SYN3: variants seen among roughly 807,000 people sequenced by gnomAD.
The protein encoded by SYN3 is synapsin-3.
In SYN3, 35 loss-of-function variants were observed where a neutral mutation model predicts 65.8. The ratio of observed to expected loss-of-function variants is 0.53; its 90% confidence interval spans 0.41 to 0.70. The LOEUF (loss-of-function observed/expected upper bound fraction) is 0.70. SYN3 is among the 30% of genes least tolerant of loss of function. The pLI, the probability that SYN3 is intolerant of heterozygous loss-of-function variation, is 0.00. For missense variants in SYN3, 680 were observed against 749.0 expected, an observed-to-expected ratio of 0.91 and a Z score of 1.08; for synonymous variants, 270 against 292.9, an observed-to-expected ratio of 0.92 and a Z score of 0.80.
intron 6 of SYN3, among the ~76,000 whole-genome samples, chr22:32,749,500 G>A (rs2045045929): frequency 6.6e-6 from 1 of 151,976 alleles, no homozygotes; most frequent in Admixed American, 6.5e-5. Context: ...AATTAGCCGG[G>A]CACGATGATG....
intron 3 of SYN3, among the ~76,000 whole-genome samples, chr22:32,954,296 A>G (rs1045282847): frequency 6.6e-6 from 1 of 152,186 alleles, no homozygotes; most frequent in Admixed American, 6.5e-5. Flanking sequence ...TTTAAGGGGA[A>G]CAGGATGGTG....
chr22:32,763,749 T>C (rs1256269796), intron 6 of SYN3, among the ~76,000 whole-genome samples: 1 of 151,942 alleles, frequency 6.6e-6, no homozygotes, highest in African/African-American at 2.4e-5. Flanking sequence ...TTTTGTTTTG[T>C]TTTTTCACTT....
intron 6 of SYN3, among the ~76,000 whole-genome samples, chr22:32,789,857 T>C (rs1193144719): frequency 1.3e-5 from 2 of 152,318 alleles, no homozygotes; most frequent in Non-Finnish European, 1.5e-5. Flanking sequence ...TCATCTCTGA[T>C]GGGTGCTCCC....
chr22:32,827,426 G>A (rs756620911), intron 6 of SYN3, among the ~76,000 whole-genome samples: 1 of 152,228 alleles, frequency 6.6e-6, no homozygotes, highest in Non-Finnish European at 1.5e-5. Context: ...CCTGGTGCCA[G>A]TCCCTGCAAG....
At chr22:32,947,212 A>T (rs1411511934) in intron 3 of SYN3, among the ~76,000 whole-genome samples, 2 of 152,180 alleles carry the variant, frequency 1.3e-5, no homozygotes, top group African/African-American at 4.8e-5. Flanking sequence ...TGAATCAATT[A>T]TGTCCATGGT....
chr22:32,786,745 G>GT (rs1433733104), intron 6 of SYN3, among the ~76,000 whole-genome samples: 1 of 152,172 alleles, frequency 6.6e-6, no homozygotes, highest in Non-Finnish European at 1.5e-5. Context: ...AAGGTATCTG[G>GT]TAATTCTCTG....
chr22:32,707,233 A>G (rs1185746990), intron 6 of SYN3, among the ~76,000 whole-genome samples: 1 of 152,210 alleles, frequency 6.6e-6, no homozygotes, highest in East Asian at 1.9e-4. Flanking sequence ...CTTAGAGGAT[A>G]CATGAGCGGA....
intron 6 of SYN3, among the ~76,000 whole-genome samples, chr22:32,660,285 C>T (rs2060198285): frequency 6.6e-6 from 1 of 152,204 alleles, no homozygotes; most frequent in Non-Finnish European, 1.5e-5. Flanking sequence ...TTTTGCTCAT[C>T]ACCTGTAACT....
chr22:32,534,157 G>A (rs138185832), intron 9 of SYN3, among the ~76,000 whole-genome samples: 8 of 152,032 alleles, frequency 5.3e-5, no homozygotes, highest in African/African-American at 1.9e-4. Flanking sequence ...GAAAGAACAC[G>A]AGAGAGCCAG....
intron 1 of SYN3, among the ~76,000 whole-genome samples, chr22:33,056,372 C>T (rs2054253604): frequency 6.6e-6 from 1 of 152,160 alleles, no homozygotes; most frequent in South Asian, 2.1e-4. Flanking sequence ...AAATGCTCAA[C>T]TCCCCCTCCA....
At chr22:32,926,530 C>T (rs187669347) in intron 4 of SYN3, among the ~76,000 whole-genome samples, 7 of 152,228 alleles carry the variant, frequency 4.6e-5, no homozygotes, top group African/African-American at 9.6e-5. Flanking sequence ...TTTTCACCTT[C>T]GAGTCTATTT....
chr22:32,774,977 A>T (rs544130124), intron 6 of SYN3, among the ~76,000 whole-genome samples: 1 of 152,196 alleles, frequency 6.6e-6, no homozygotes, highest in Non-Finnish European at 1.5e-5. Flanking sequence ...ACAAATGCCA[A>T]TCCTGAAGAA....
chr22:32,921,496 A>G (rs1286696232), intron 4 of SYN3, among the ~76,000 whole-genome samples: 4 of 152,196 alleles, frequency 2.6e-5, no homozygotes, highest in Non-Finnish European at 5.9e-5. Context: ...CACTCACGCC[A>G]GCCTGGTGTG....
intron 8 of SYN3, among the ~76,000 whole-genome samples, chr22:32,540,245 T>A (rs936429621): frequency 7.2e-5 from 11 of 152,158 alleles, no homozygotes; most frequent in African/African-American, 2.7e-4. Context: ...CCACAGGCAA[T>A]CCATAAATGG....
chr22:32,671,139 T>G (rs910516160), intron 6 of SYN3, among the ~76,000 whole-genome samples: 1 of 152,174 alleles, frequency 6.6e-6, no homozygotes, highest in African/African-American at 2.4e-5. Context: ...TTTCAAAGCT[T>G]TTTTTCGTTT....
chr22:32,535,527 G>A (rs1369888811), intron 9 of SYN3, among the ~76,000 whole-genome samples: 2 of 152,200 alleles, frequency 1.3e-5, no homozygotes, highest in East Asian at 3.9e-4. Flanking sequence ...CAGGGTCCTC[G>A]TTTTTGGCCC....
rs2057701289 is a variant in SYN3, at chr22:32,512,453, A to G, written c.*1239T>C. On this transcript the variant is annotated 3_prime_UTR_variant, in exon 14 of 14. Transcript: ENST00000358763. ...TTTGGATCACCGCTGAACGCTGTCTAAGCATGAGAGGCAGACTGGTATAGG... is the reference window on the plus strand; with the variant it reads ...TTTGGATCACCGCTGAACGCTGTCTGAGCATGAGAGGCAGACTGGTATAGG... 1 of 152,220 alleles carries G rather than the reference A, an allele frequency of 6.6e-6. No homozygotes were observed. The highest frequency in any genetic ancestry group is 1.5e-5 in the Non-Finnish European group (1 of 68,050). The allele number at this position is 152,220 out of a possible 1,614,324, so 9.4% of individuals were successfully genotyped here. A position where few individuals can be genotyped will look rare whatever the true frequency, so the allele number is the denominator to read the frequency against.
chr22:32,528,959 C>A lies in SYN3; in HGVS notation c.1145G>T (p.Arg382Ile). ...PLIGEHVEED[R>I]QLMADLVVSK... ...GACAACAAGGTCGGCCATCAGCTGT[C>A]TGTCCTCTTCCACATGCTCTCCAAT... The change falls in exon 11 of 14, where the codon AGA (arginine) becomes ATA (isoleucine). Residue 382 changes from arginine (R) to isoleucine (I), a missense_variant. By Grantham distance (97) the Arg-to-Ile change is moderately conservative. Transcript: ENST00000358763. 1 of 1,614,110 alleles carries A rather than the reference C, an allele frequency of 6.2e-7. No individual in the cohort carries two copies. The highest frequency in any genetic ancestry group is 8.5e-7 in the Non-Finnish European group (1 of 1,180,044).
At chr22:32,797,461 G>A (rs920894212) in intron 6 of SYN3, among the ~76,000 whole-genome samples, 2 of 152,128 alleles carry the variant, frequency 1.3e-5, no homozygotes, top group African/African-American at 2.4e-5. Context: ...CCCGGAGGAG[G>A]TGACATCTAA....
Sources: gnomAD v4.1 joint callset for allele counts (sites outside exome capture counted in the v4.1 genomes callset) on GRCh38, gnomAD v4.1.1 for gene constraint, MANE v1.5 for transcripts, NCBI Gene and HGNC (gene_info 2026-07-23, HGNC 2026-07-21) for gene names.